The following STK39 variants were observed in gnomAD, a reference collection of about 807,000 sequenced individuals.
STK39 encodes the protein serine/threonine kinase 39.
STK39 carries 20 observed loss-of-function variants against 77.8 expected under a neutral mutation model. That is an observed-to-expected ratio of 0.26 (90% CI 0.18 to 0.37). STK39 has a LOEUF of 0.37. STK39 is among the 10% of genes least tolerant of loss of function. The pLI, the probability that STK39 is intolerant of heterozygous loss-of-function variation, is 1.00. For missense variants in STK39, 479 were observed against 656.5 expected, an observed-to-expected ratio of 0.73 and a Z score of 2.95; for synonymous variants, 246 against 234.1, an observed-to-expected ratio of 1.05 and a Z score of -0.47.
intron 16 of STK39, among the ~76,000 whole-genome samples, chr2:167,991,679 G>A (rs1052339369): frequency 6.6e-6 from 1 of 152,132 alleles, no homozygotes; most frequent in African/African-American, 2.4e-5. Flanking sequence ...CAAATGACCA[G>A]GGAATCCATA....
At chr2:168,180,390 C>A (rs1019858169) in intron 2 of STK39, among the ~76,000 whole-genome samples, 3 of 152,052 alleles carry the variant, frequency 2.0e-5, no homozygotes, top group Non-Finnish European at 4.4e-5. Context: ...CTGGCAAATT[C>A]TTGAGTGATA....
chr2:168,008,167 T>G (rs1282519136), intron 16 of STK39, among the ~76,000 whole-genome samples: 1 of 152,132 alleles, frequency 6.6e-6, no homozygotes, highest in Non-Finnish European at 1.5e-5. Flanking sequence ...TGATTTACTT[T>G]ACCTGGATCT....
intron 16 of STK39, among the ~76,000 whole-genome samples, chr2:168,011,894 T>A (rs370807397): frequency 1.3e-5 from 2 of 152,242 alleles, no homozygotes; most frequent in East Asian, 3.9e-4. Context: ...TAAGTTCCCA[T>A]CCAAACCTGA....
Position 168,163,773 on chromosome 2 carries a change from A to G in STK39, c.538T>C (p.Leu180=). The G allele has an allele frequency of 6.2e-7, 1 of 1,613,724 alleles. No individual in the cohort carries two copies. The highest frequency in any genetic ancestry group is 8.5e-7 in the Non-Finnish European group (1 of 1,179,874). The change falls in exon 4 of 18, where the codon TTA becomes CTA. Residue 180 remains leucine, a synonymous_variant. Coordinates refer to ENST00000355999, the MANE Select transcript of STK39 (RefSeq NM_013233.3). ...TGACCGTTTCTGTGTAGATAGTCTAAGCCTTCCAAAACCTCTTTAAGAATT... is the reference window on the plus strand; with the variant it reads ...TGACCGTTTCTGTGTAGATAGTCTAGGCCTTCCAAAACCTCTTTAAGAATT... ...ATILKEVLEG[L]DYLHRNGQIH...
At chr2:168,118,204 A>T (rs929643484) in intron 10 of STK39, among the ~76,000 whole-genome samples, 1 of 152,118 alleles carries the variant, frequency 6.6e-6, no homozygotes, top group Non-Finnish European at 1.5e-5. Context: ...ACGCCACTTC[A>T]GTTCCAGAAA....
intron 10 of STK39, among the ~76,000 whole-genome samples, chr2:168,089,020 T>A (rs934158538): frequency 6.6e-6 from 1 of 152,152 alleles, no homozygotes; most frequent in South Asian, 2.1e-4. Context: ...GAGACTCCCC[T>A]AGGGCTCCCC....
At chr2:168,006,204 C>G (rs549494142) in intron 16 of STK39, among the ~76,000 whole-genome samples, 23 of 152,326 alleles carry the variant, frequency 1.5e-4, no homozygotes, top group Admixed American at 7.2e-4. Context: ...TGTATACACA[C>G]AGTCAAACCC....
intron 15 of STK39, among the ~76,000 whole-genome samples, chr2:168,015,448 T>C (rs1263728525): frequency 6.6e-6 from 1 of 152,248 alleles, no homozygotes; most frequent in Non-Finnish European, 1.5e-5. Flanking sequence ...GCCTGTGCTC[T>C]GCCACCCAGT....
At chr2:168,168,203 T>C (rs914878670) in intron 2 of STK39, among the ~76,000 whole-genome samples, 2 of 152,220 alleles carry the variant, frequency 1.3e-5, no homozygotes, top group Non-Finnish European at 2.9e-5. Flanking sequence ...TTTTATTCTT[T>C]GTTGTTTTAT....
intron 9 of STK39, 44 bp downstream of exon 9, chr2:168,129,666 G>T (rs778324632): frequency 1.2e-6 from 2 of 1,613,874 alleles, no homozygotes; most frequent in Middle Eastern, 1.7e-4. Context: ...AATACACAGT[G>T]ATTTCAAAAA....
At chr2:168,168,122 T>C (rs1688734645) in intron 2 of STK39, among the ~76,000 whole-genome samples, 1 of 152,184 alleles carries the variant, frequency 6.6e-6, no homozygotes, top group Non-Finnish European at 1.5e-5. Flanking sequence ...GTTTAATCCA[T>C]ATTAACAGAG....
At chr2:168,192,060 G>A (rs1405480796) in intron 1 of STK39, among the ~76,000 whole-genome samples, 1 of 152,138 alleles carries the variant, frequency 6.6e-6, no homozygotes, top group African/African-American at 2.4e-5. Flanking sequence ...GTTCCAAGAG[G>A]TAGAAGGAAA....
chr2:168,221,582 C>G (rs999050594), intron 1 of STK39, among the ~76,000 whole-genome samples: 2 of 152,152 alleles, frequency 1.3e-5, no homozygotes, highest in African/African-American at 2.4e-5. Context: ...CCTTTAGGAT[C>G]AACAGTACAA....
intron 6 of STK39, 72 bp from the exon 7 acceptor site, chr2:168,140,462 T>G: frequency 7.3e-6 from 10 of 1,378,786 alleles, no homozygotes; most frequent in Non-Finnish European, 1.0e-5. Context: ...CCATGTCATG[T>G]CAGAAATCCA....
chr2:168,048,084 T>C (rs1453968726), intron 14 of STK39, among the ~76,000 whole-genome samples: 1 of 152,078 alleles, frequency 6.6e-6, no homozygotes, highest in Non-Finnish European at 1.5e-5. Context: ...GCCCAGAGGG[T>C]GAAAGCTCAG....
rs554120073 is a variant in STK39, at chr2:168,031,323, A to G, written c.1377-14228T>C. ...CTTTTTAAATCTGAAGATTCCCTCA[A>G]GTAAGAGAAGGGAAATCTGAAGCTC... On this transcript the variant is annotated intron_variant, in intron 14 of 17. Transcript: ENST00000355999. Among the ~76,000 whole-genome samples, 3 of 152,278 alleles carry G rather than the reference A, an allele frequency of 2.0e-5. No individual in the cohort carries two copies. The South Asian group carries it at 6.2e-4, about 32-fold the overall frequency.
chr2:168,001,495 A>G (rs1684000156), intron 16 of STK39, among the ~76,000 whole-genome samples: 1 of 143,006 alleles, frequency 7.0e-6, no homozygotes, highest in Admixed American at 7.3e-5. Context: ...CTTTCTTAGG[A>G]TTGGCAAGAA....
Position 168,039,803 on chromosome 2 carries a change from T to C in STK39, c.1377-22708A>G, listed in dbSNP as rs147178578. Among the ~76,000 whole-genome samples, 33 of 152,336 alleles carry C rather than the reference T, an allele frequency of 2.2e-4. No individual in the cohort carries two copies. The East Asian group carries it at 6.4e-3, about 29-fold the overall frequency. On this transcript the variant is annotated intron_variant, in intron 14 of 17. Coordinates refer to ENST00000355999, the MANE Select transcript of STK39 (RefSeq NM_013233.3). ...TACTAAGTGGATGCAATTTATTATA[T>C]ATAAATTATACTGCAATTAAGTTTA... is the stretch of plus-strand genomic sequence containing the variant.
chr2:168,230,438 A>C (rs574262113), intron 1 of STK39, among the ~76,000 whole-genome samples: 1 of 152,192 alleles, frequency 6.6e-6, no homozygotes, highest in African/African-American at 2.4e-5. Flanking sequence ...GCCAGCCAAC[A>C]GCCACCACCA....
Sources: gnomAD v4.1 joint callset for allele counts (sites outside exome capture counted in the v4.1 genomes callset) on GRCh38, gnomAD v4.1.1 for gene constraint, MANE v1.5 for transcripts, NCBI Gene and HGNC (gene_info 2026-07-23, HGNC 2026-07-21) for gene names.